Variants in DIP2C observed in about 807,000 individuals in gnomAD.
The protein encoded by DIP2C is disco-interacting protein 2 homolog C.
Under a neutral mutation model 192.4 loss-of-function variants are expected in DIP2C, and 33 were observed. The observed-to-expected ratio is 0.17, with a 90% CI of 0.13 to 0.23. DIP2C has a LOEUF of 0.23. DIP2C is among the 10% of genes least tolerant of loss of function. The pLI is 1.00. For missense variants in DIP2C, 1,537 were observed against 2,110.1 expected, an observed-to-expected ratio of 0.73 and a Z score of 5.32; for synonymous variants, 979 against 864.1, an observed-to-expected ratio of 1.13 and a Z score of -2.33.
At chr10:568,800 C>CAAAAAAAAAAAAAAAAAA (rs1554739052) in intron 1 of DIP2C, among the ~76,000 whole-genome samples, 1 of 9,514 alleles carries the variant, frequency 1.1e-4, no homozygotes. Context: ...AAAAAAAAAC[C>CAAAAAAAAAAAAAAAAAA]TTCACTTGAT....
At chr10:571,481 C>T (rs1301609652) in intron 1 of DIP2C, among the ~76,000 whole-genome samples, 1 of 151,540 alleles carries the variant, frequency 6.6e-6, no homozygotes, top group East Asian at 2.0e-4. Flanking sequence ...CCCTCCTTCA[C>T]TCCCATTCTC....
At chr10:600,680 A>G (rs1852010859) in intron 1 of DIP2C, among the ~76,000 whole-genome samples, 1 of 152,086 alleles carries the variant, frequency 6.6e-6, no homozygotes, top group Non-Finnish European at 1.5e-5. Context: ...GTGTGTGGAT[A>G]TTCCTGGGTG....
intron 1 of DIP2C, among the ~76,000 whole-genome samples, chr10:542,774 T>C (rs530667505): frequency 3.9e-5 from 6 of 151,900 alleles, no homozygotes; most frequent in Non-Finnish European, 8.8e-5. Flanking sequence ...TGTCCCTCTC[T>C]ATACCACAGG....
chr10:350,202 G>GC (rs1958722492), intron 24 of DIP2C, among the ~76,000 whole-genome samples: 1 of 151,944 alleles, frequency 6.6e-6, no homozygotes, highest in African/African-American at 2.4e-5. Context: ...TGCTGCCTCA[G>GC]CCCCAAGTAG....
At chr10:477,742 C>T (rs546982606) in intron 2 of DIP2C, among the ~76,000 whole-genome samples, 46 of 92,828 alleles carry the variant, frequency 5.0e-4, no homozygotes, top group East Asian at 1.6e-3. Flanking sequence ...AAAGAAAGAA[C>T]GAGAAAGAAA....
chr10:296,536 G>A (rs1398051182), intron 32 of DIP2C, among the ~76,000 whole-genome samples: 1 of 152,014 alleles, frequency 6.6e-6, no homozygotes, highest in Non-Finnish European at 1.5e-5. Context: ...TCCCATTACT[G>A]GGTATATACC....
chr10:313,430 G>C (rs1419747807), intron 31 of DIP2C, among the ~76,000 whole-genome samples: 1 of 152,160 alleles, frequency 6.6e-6, no homozygotes, highest in Non-Finnish European at 1.5e-5. Flanking sequence ...ATATCTGTGA[G>C]TTTCGCATGT....
At chr10:548,519 GAGGCAGGC>G (rs565040745) in intron 1 of DIP2C, among the ~76,000 whole-genome samples, 44 of 110,650 alleles carry the variant, frequency 4.0e-4, no homozygotes, top group South Asian at 5.0e-4. Flanking sequence ...GGGAGGGAGG[GAGGCAGGC>G]AGGCAGGCAG....
intron 17 of DIP2C, among the ~76,000 whole-genome samples, chr10:377,629 G>A (rs1423117632): frequency 1.3e-5 from 2 of 152,178 alleles, no homozygotes; most frequent in African/African-American, 4.8e-5. Context: ...AGTGGGAAGT[G>A]CTCACTTCGG....
intron 1 of DIP2C, among the ~76,000 whole-genome samples, chr10:575,399 G>A (rs1289901436): frequency 3.9e-5 from 6 of 152,184 alleles, no homozygotes; most frequent in Admixed American, 2.6e-4. Context: ...TGCCATACAC[G>A]AGGGGAGCAG....
In DIP2C at chr10:337,649, G is replaced by A. The variant is rs370523475; in HGVS notation, c.3584+3550C>T. Among the ~76,000 whole-genome samples, 525 of 132,600 alleles carry A rather than the reference G, an allele frequency of 4.0e-3. 4 individuals are homozygous for A. The highest frequency in any genetic ancestry group is 0.013 in the African/African-American group (468 of 35,206). 87.0% of individuals were successfully genotyped at this position (132,600 alleles called of 152,430 possible). ...GTGTGCGCACGTGTGTTGTGGAGGC[G>A]TAGGCCGGTGTGTGTACGCGTGTGT... On this transcript the variant is annotated intron_variant, in intron 29 of 36. Transcript: ENST00000280886.
At chr10:589,363 C>G (rs556747549) in intron 1 of DIP2C, among the ~76,000 whole-genome samples, 1 of 152,188 alleles carries the variant, frequency 6.6e-6, no homozygotes, top group Admixed American at 6.5e-5. Flanking sequence ...TGTTTTCTTC[C>G]CTATGGATCA....
At chr10:532,704 AGAGAGAGTATGGGTGT>A (rs1847472161) in intron 1 of DIP2C, among the ~76,000 whole-genome samples, 1 of 74,342 alleles carries the variant, frequency 1.3e-5, no homozygotes, top group Non-Finnish European at 3.1e-5. Context: ...TATGGGTGTG[AGAGAGAGTATGGGTGT>A]GAGAGAGAGT....
chr10:537,788 T>C (rs1847774396), intron 1 of DIP2C, among the ~76,000 whole-genome samples: 1 of 145,290 alleles, frequency 6.9e-6, no homozygotes, highest in African/African-American at 2.8e-5. Context: ...ATCTTTCGTC[T>C]GCGAATTTTT....
chr10:659,585 A>C (rs1178335106), intron 1 of DIP2C, among the ~76,000 whole-genome samples: 1 of 152,250 alleles, frequency 6.6e-6, no homozygotes, highest in African/African-American at 2.4e-5. Flanking sequence ...AGAAATAGGC[A>C]CACATGCCTG....
chr10:292,382 A>C (rs992428470), intron 32 of DIP2C, among the ~76,000 whole-genome samples: 4 of 152,220 alleles, frequency 2.6e-5, no homozygotes, highest in Non-Finnish European at 5.9e-5. Flanking sequence ...AGTCCAGTAT[A>C]AATCTTGGAC....
At chr10:465,166 GC>G (rs1589854935) in intron 3 of DIP2C, among the ~76,000 whole-genome samples, 2 of 133,002 alleles carry the variant, frequency 1.5e-5, no homozygotes, top group South Asian at 5.7e-4. Flanking sequence ...GAATCCAGCA[GC>G]ACATCAAAAA....
intron 31 of DIP2C, among the ~76,000 whole-genome samples, chr10:325,411 G>A: frequency 6.6e-6 from 1 of 152,188 alleles, no homozygotes; most frequent in East Asian, 1.9e-4. Context: ...AGGGCACGAT[G>A]CGACGGGTTA....
chr10:651,130 A>G lies in DIP2C; in HGVS notation c.85+38364T>C, dbSNP rs1329063211. The G allele has an allele frequency of 4.2e-6, 3 of 717,446 alleles. No individual in the cohort carries two copies. In the Admixed American group the frequency reaches 6.0e-5, roughly 14 times the overall value. The allele number at this position is 717,446 out of a possible 1,614,324, so 44.4% of individuals were successfully genotyped here. A position where few individuals can be genotyped will look rare whatever the true frequency, so the allele number is the denominator to read the frequency against. ...GGCCAGCTCTCGCCACACTCAGTCA[A>G]TGTCCACTGGGGGCCTCAGGGGCAC... On this transcript the variant is annotated intron_variant, in intron 1 of 36. Transcript: ENST00000280886. This position sits in a 1 kb window ranked among gnomAD's most constrained non-coding sequence, Gnocchi z 4.1.
Sources: allele counts gnomAD v4.1 joint callset (sites outside exome capture counted in the v4.1 genomes callset), GRCh38; gene constraint gnomAD v4.1.1; non-coding constraint Gnocchi (gnomAD v3.1); transcripts MANE v1.5; gene names NCBI Gene and HGNC (gene_info 2026-07-23, HGNC 2026-07-21).